Variants in ANKRD45 observed in about 807,000 individuals in gnomAD.
ANKRD45 encodes the protein ankyrin repeat domain 45.
ANKRD45 carries 21 observed loss-of-function variants against 28.1 expected under a neutral mutation model. The ratio of observed to expected loss-of-function variants is 0.75; its 90% CI spans 0.53 to 1.08. ANKRD45 has a LOEUF of 1.08. Among genes scored for constraint, ANKRD45 ranks in the 50% least tolerant of loss-of-function variants. ANKRD45 has a pLI of 0.00. For synonymous variants in ANKRD45, 86 were observed against 103.9 expected (o/e 0.83, Z 1.05); for missense variants, 261 against 308.7 (o/e 0.85, Z 1.16).
At chr1:173,682,689 A>G in the ANKRD45 span, among the ~76,000 whole-genome samples, 7 of 129,356 alleles carry the variant, frequency 5.4e-5, no homozygotes, top group East Asian at 6.5e-4. Flanking sequence ...TTAAATACAC[A>G]CACACACACA....
chr1:173,676,118 G>C, the ANKRD45 span, among the ~76,000 whole-genome samples: 1 of 152,152 alleles, frequency 6.6e-6, no homozygotes, highest in Non-Finnish European at 1.5e-5. Context: ...GCTTTTATTG[G>C]CTCCATAAGT....
intron 2 of ANKRD45, among the ~76,000 whole-genome samples, chr1:173,656,854 C>G (rs1669540995): frequency 1.3e-5 from 2 of 151,650 alleles, no homozygotes; most frequent in Admixed American, 6.6e-5. Context: ...TGATAGACAG[C>G]CTTAAGGAAA....
At chr1:173,670,579 G>A (rs1670217713), upstream of ANKRD45, among the ~76,000 whole-genome samples, 1 of 152,144 alleles carries the variant, frequency 6.6e-6, no homozygotes, top group Admixed American at 6.5e-5. Context: ...AGTTCGAATA[G>A]CCTAGTTCTG....
chr1:173,691,996 T>C, the ANKRD45 span, among the ~76,000 whole-genome samples: 1 of 152,158 alleles, frequency 6.6e-6, no homozygotes, highest in Non-Finnish European at 1.5e-5. Context: ...GTGAGTGCTT[T>C]GGCAGAAGTC....
chr1:173,637,252 G>A, intron 3 of ANKRD45: 1 of 435,416 alleles, frequency 2.3e-6, no homozygotes, highest in Non-Finnish European at 4.1e-6. Context: ...ATTGTATACT[G>A]TAGAAAATGA....
the ANKRD45 span, among the ~76,000 whole-genome samples, chr1:173,706,785 C>T: frequency 2.0e-5 from 3 of 152,052 alleles, no homozygotes; most frequent in African/African-American, 4.8e-5. Context: ...TTGTGCATAA[C>T]TTATTTTATT....
intron 3 of ANKRD45, among the ~76,000 whole-genome samples, chr1:173,638,236 T>A (rs1668542612): frequency 6.6e-6 from 1 of 151,868 alleles, no homozygotes; most frequent in South Asian, 2.1e-4. Flanking sequence ...CGGCGAGACA[T>A]CTCTGGTGTG....
upstream of ANKRD45, among the ~76,000 whole-genome samples, chr1:173,671,711 A>C (rs1190887362): frequency 3.3e-5 from 5 of 151,682 alleles, no homozygotes; most frequent in Non-Finnish European, 5.9e-5. Context: ...TCTACTAAAA[A>C]ATACCAAAAA....
At chr1:173,641,152 A>C (rs537542948) in intron 3 of ANKRD45, among the ~76,000 whole-genome samples, 1 of 152,334 alleles carries the variant, frequency 6.6e-6, no homozygotes, top group East Asian at 1.9e-4. Flanking sequence ...GAAATATCTT[A>C]AGACAGACCT....
intron 2 of ANKRD45, among the ~76,000 whole-genome samples, chr1:173,652,432 T>C (rs1282579177): frequency 1.3e-5 from 2 of 152,174 alleles, no homozygotes; most frequent in Non-Finnish European, 2.9e-5. Context: ...CAGCCTTGCA[T>C]CCCAGGGATG....
At chr1:173,612,319 A>AGAAGGAAGGAAGGAAAGAAGGAAGGAAG (rs1667197937) in intron 5 of ANKRD45, among the ~76,000 whole-genome samples, 1 of 130,236 alleles carries the variant, frequency 7.7e-6, no homozygotes, top group Non-Finnish European at 1.6e-5. Context: ...AAGGAAGGAA[A>AGAAGGAAGGAAGGAAAGAAGGAAGGAAG]GAAGGAAGGA....
the ANKRD45 span, among the ~76,000 whole-genome samples, chr1:173,703,589 C>G: frequency 5.3e-5 from 8 of 152,208 alleles, no homozygotes; most frequent in Non-Finnish European, 1.2e-4. Flanking sequence ...CACCTTCCAG[C>G]CAAGCCATTC....
At chr1:173,680,754 C>T in the ANKRD45 span, among the ~76,000 whole-genome samples, 1,345 of 151,730 alleles carry the variant, frequency 8.9e-3, 20 homozygotes, top group African/African-American at 0.03. Flanking sequence ...AAAGAAAATA[C>T]GGCACATATA....
At chr1:173,644,388 G>C (rs914037168) in intron 3 of ANKRD45, among the ~76,000 whole-genome samples, 3 of 151,984 alleles carry the variant, frequency 2.0e-5, no homozygotes, top group African/African-American at 7.3e-5. Flanking sequence ...TTTATGTTGA[G>C]TTATTTATGT....
At chr1:173,637,173 C>A in intron 3 of ANKRD45, 1 of 656,436 alleles carries the variant, frequency 1.5e-6, no homozygotes, top group Non-Finnish European at 2.5e-6. Context: ...TCCAAAGAAG[C>A]CTGGGTTGAA....
the ANKRD45 span, among the ~76,000 whole-genome samples, chr1:173,685,292 A>G: frequency 6.6e-6 from 1 of 152,214 alleles, no homozygotes; most frequent in Non-Finnish European, 1.5e-5. Context: ...CTGTCATGAG[A>G]GACACAAAGT....
intron 5 of ANKRD45, among the ~76,000 whole-genome samples, chr1:173,617,270 C>T (rs1667502936): frequency 6.6e-6 from 1 of 152,182 alleles, no homozygotes; most frequent in South Asian, 2.1e-4. Flanking sequence ...CAAGCAGTGT[C>T]ATTTTGTGGG....
At chr1:173,618,930 A>G (rs182510211) in intron 5 of ANKRD45, among the ~76,000 whole-genome samples, 2 of 152,362 alleles carry the variant, frequency 1.3e-5, no homozygotes, top group East Asian at 3.9e-4. Context: ...TCAGACTAAC[A>G]GTGGACCTCT....
intron 3 of ANKRD45, among the ~76,000 whole-genome samples, chr1:173,642,344 C>A (rs1668739463): frequency 6.6e-6 from 1 of 152,166 alleles, no homozygotes. Flanking sequence ...CCTAACTTTT[C>A]TTCACCCTAT....
Sources: gnomAD v4.1 joint callset for allele counts (sites outside exome capture counted in the v4.1 genomes callset) on GRCh38, gnomAD v4.1.1 for gene constraint, MANE v1.5 for transcripts, NCBI Gene and HGNC (gene_info 2026-07-23, HGNC 2026-07-21) for gene names.